Variants in CDC42BPA observed in about 807,000 individuals in gnomAD.
The protein encoded by CDC42BPA is CDC42 binding protein kinase alpha, also known as serine/threonine-protein kinase MRCK alpha.
In CDC42BPA, 80 loss-of-function variants were observed where a neutral mutation model predicts 223.5. That is an observed-to-expected ratio of 0.36 (90% CI 0.30 to 0.43). CDC42BPA has a LOEUF of 0.43. Ranked by LOEUF, CDC42BPA falls within the 20% of genes least tolerant of loss-of-function variation. CDC42BPA has a pLI of 1.00. For synonymous variants in CDC42BPA, 694 were observed against 718.6 expected (o/e 0.97, Z 0.55); for missense variants, 1,743 against 2,099.9 (o/e 0.83, Z 3.32).
chr1:227,256,938 T>TACAC lies in CDC42BPA; in HGVS notation c.179-2784_179-2783insGTGT, dbSNP rs1442280387. Among the ~76,000 whole-genome samples, 1,179 of 120,022 alleles carry TACAC rather than the reference T, an allele frequency of 9.8e-3. 12 individuals are homozygous for TACAC. Among genetic ancestry groups the TACAC allele is most frequent in the African/African-American group, 0.018 (592 of 32,180 alleles). The allele number at this position is 120,022 out of a possible 152,430, so 78.7% of individuals were successfully genotyped here. A position where few individuals can be genotyped will look rare whatever the true frequency, so the allele number is the denominator to read the frequency against. On this transcript the variant is annotated intron_variant, in intron 1 of 36. Coordinates refer to ENST00000366766, the MANE Select transcript of CDC42BPA (RefSeq NM_001394014.1). ...ATGAACAGATAAACAAAATGTGATA[T>TACAC]ATATATACAGACACACACACACACA... is the stretch of plus-strand genomic sequence containing the variant.
intron 34 of CDC42BPA, among the ~76,000 whole-genome samples, chr1:227,014,721 G>C (rs1182156238): frequency 6.6e-6 from 1 of 152,124 alleles, no homozygotes; most frequent in Non-Finnish European, 1.5e-5. Flanking sequence ...TTTGGGTCAA[G>C]ATTCACAAAT....
Position 227,028,961 on chromosome 1 carries a change from T to C in CDC42BPA, c.4128A>G (p.Lys1376=), listed in dbSNP as rs1929861. 720,529 of 1,613,474 alleles carry C rather than the reference T, an allele frequency of 0.45. 163,446 individuals carry two copies. The highest frequency in any genetic ancestry group is 0.47 in the African/African-American group (35,036 of 74,938). The stretch of plus-strand genomic sequence containing the variant: ...GGACATTATATGGGACTTGAATTTC[T>C]TTAAATTTTCTGTGACGGGTCTTGC... ...FQSKTRHRKF[K]EIQVPYNVQW... The change falls in exon 30 of 37, where the codon AAA becomes AAG. Residue 1376 remains lysine (K), a synonymous_variant. Transcript: ENST00000366766.
chr1:227,143,883 A>T (rs1660171153), intron 8 of CDC42BPA, among the ~76,000 whole-genome samples: 1 of 152,216 alleles, frequency 6.6e-6, no homozygotes, highest in South Asian at 2.1e-4. Context: ...AACCTCCATG[A>T]ATAATTAGGA....
At chr1:227,316,910 T>C in intron 1 of CDC42BPA, 95 bp downstream of exon 1, 7 of 871,514 alleles carry the variant, frequency 8.0e-6, no homozygotes, top group Non-Finnish European at 1.2e-5. Flanking sequence ...TATTTTTTCT[T>C]TGAACGGAGT....
chr1:227,151,860 G>A (rs6664251), intron 6 of CDC42BPA, among the ~76,000 whole-genome samples: 1 of 139,616 alleles, frequency 7.2e-6, no homozygotes, highest in Admixed American at 7.4e-5. Context: ...ACCTGGCCAA[G>A]AGGTCATAAC....
chr1:227,277,342 C>A (rs1687276895), intron 1 of CDC42BPA, among the ~76,000 whole-genome samples: 1 of 152,060 alleles, frequency 6.6e-6, no homozygotes, highest in African/African-American at 2.4e-5. Flanking sequence ...TTTTTCCAAA[C>A]GTCTCAATAT....
chr1:227,175,933 C>T (rs1274595567), intron 5 of CDC42BPA, among the ~76,000 whole-genome samples: 1 of 152,122 alleles, frequency 6.6e-6, no homozygotes. Context: ...GTTATTTTCA[C>T]CACACAGAGC....
intron 3 of CDC42BPA, among the ~76,000 whole-genome samples, chr1:227,210,348 G>A (rs895594295): frequency 6.6e-6 from 1 of 152,056 alleles, no homozygotes; most frequent in Non-Finnish European, 1.5e-5. Context: ...TCCAAAATGG[G>A]TCTTATACCG....
intron 1 of CDC42BPA, among the ~76,000 whole-genome samples, chr1:227,309,876 T>C (rs1201936194): frequency 6.6e-6 from 1 of 152,214 alleles, no homozygotes; most frequent in Non-Finnish European, 1.5e-5. Context: ...GTGCTTTTCT[T>C]AGATGTAATT....
At chr1:227,003,881 C>T (rs191716076) in intron 35 of CDC42BPA, among the ~76,000 whole-genome samples, 1 of 152,116 alleles carries the variant, frequency 6.6e-6, no homozygotes, top group African/African-American at 2.4e-5. Flanking sequence ...CTGTGAGACA[C>T]CTGAAAGCAG....
At chr1:227,103,492 A>G (rs536390603) in intron 14 of CDC42BPA, among the ~76,000 whole-genome samples, 18 of 152,244 alleles carry the variant, frequency 1.2e-4, no homozygotes, top group Admixed American at 3.3e-4. Context: ...ATTCTAATTA[A>G]AAGTTCTTTA....
chr1:227,199,977 T>C (rs1044817289), intron 3 of CDC42BPA, among the ~76,000 whole-genome samples: 3 of 152,208 alleles, frequency 2.0e-5, no homozygotes, highest in African/African-American at 7.2e-5. Flanking sequence ...TTCTGATCTT[T>C]TTAAAGAAAT....
chr1:227,259,142 C>G (rs1361906733), intron 1 of CDC42BPA, among the ~76,000 whole-genome samples: 1 of 150,960 alleles, frequency 6.6e-6, no homozygotes, highest in East Asian at 1.9e-4. Flanking sequence ...CGCCTCCCTC[C>G]CTTTTTCTGA....
intron 1 of CDC42BPA, among the ~76,000 whole-genome samples, chr1:227,256,938 T>TACACAC (rs1442280387): frequency 0.018 from 2,136 of 119,986 alleles, 35 homozygotes; most frequent in Non-Finnish European, 0.018. Flanking sequence ...AAATGTGATA[T>TACACAC]ATATATACAG....
intron 2 of CDC42BPA, among the ~76,000 whole-genome samples, chr1:227,220,682 C>T (rs1675749784): frequency 6.6e-6 from 1 of 151,962 alleles, no homozygotes; most frequent in South Asian, 2.1e-4. Flanking sequence ...GCGCTTCATA[C>T]CTCTTTTCCT....
At chr1:227,285,948 G>C (rs750287842) in intron 1 of CDC42BPA, among the ~76,000 whole-genome samples, 1 of 152,184 alleles carries the variant, frequency 6.6e-6, no homozygotes, top group African/African-American at 2.4e-5. Flanking sequence ...GAAGCCCTAG[G>C]CCTGGCCCCT....
Position 227,047,926 on chromosome 1 carries a change from C to T in CDC42BPA, c.3093+1G>A, listed in dbSNP as rs1312143978. 3.2e-6 allele frequency: 5 copies of T among 1,585,132 alleles called. No individual in the cohort carries two copies. The highest frequency in any genetic ancestry group is 2.7e-5 in the African/African-American group (2 of 74,178). The stretch of plus-strand genomic sequence containing the variant: ...ACTATGCTTATAACTAGATTGAGTA[C>T]CTTAGGTGGAAAGCCAGTTGAACCA... On this transcript the variant is annotated splice_donor_variant, in intron 23 of 36. Coordinates refer to ENST00000366766, the MANE Select transcript of CDC42BPA (RefSeq NM_001394014.1). LOFTEE classifies it high-confidence loss of function.
intron 30 of CDC42BPA, among the ~76,000 whole-genome samples, chr1:227,028,252 CATT>C (rs1668636095): frequency 6.6e-6 from 1 of 152,104 alleles, no homozygotes; most frequent in Admixed American, 6.5e-5. Context: ...ATAGATGTTA[CATT>C]ATACCTTTAC....
chr1:227,052,825 T>G (rs1673816956), intron 21 of CDC42BPA, among the ~76,000 whole-genome samples: 1 of 152,224 alleles, frequency 6.6e-6, no homozygotes, highest in African/African-American at 2.4e-5. Context: ...ACTATGGCTA[T>G]ATTTTAGAGG....
Sources: gnomAD v4.1 joint callset for allele counts (sites outside exome capture counted in the v4.1 genomes callset) on GRCh38, gnomAD v4.1.1 for gene constraint, MANE v1.5 for transcripts, NCBI Gene and HGNC (gene_info 2026-07-23, HGNC 2026-07-21) for gene names.